ALOXE3: variants seen among roughly 807,000 people sequenced by gnomAD.
ALOXE3 encodes the protein hydroperoxide isomerase ALOXE3.
A neutral mutation model predicts 87.5 loss-of-function variants in ALOXE3; 78 were observed. The ratio of observed to expected loss-of-function variants is 0.89; its 90% confidence interval spans 0.74 to 1.08. ALOXE3 has a LOEUF of 1.08. Ranked by LOEUF, ALOXE3 falls within the 50% of genes least tolerant of loss-of-function variation. The pLI is 0.00. For synonymous variants in ALOXE3, 363 were observed against 370.8 expected, an observed-to-expected ratio of 0.98 and a Z score of 0.24; for missense variants, 946 against 912.4, an observed-to-expected ratio of 1.04 and a Z score of -0.47.
At chr17:8,111,715 G>A (rs1980107174) in intron 7 of ALOXE3, among the ~76,000 whole-genome samples, 184 bp from the exon 8 acceptor site, 2 of 152,212 alleles carry the variant, frequency 1.3e-5, no homozygotes, top group African/African-American at 4.8e-5. Flanking sequence ...GACTTGCACA[G>A]CTGAGTGGCA....
intron 1 of ALOXE3, 68 bp from the exon 2 acceptor site, chr17:8,118,371 C>T: frequency 1.3e-6 from 2 of 1,551,508 alleles, no homozygotes; most frequent in Non-Finnish European, 1.7e-6. Flanking sequence ...TGGGACACTG[C>T]CCTCCGCCTG....
chr17:8,100,512 A>G (rs1978856564), intron 15 of ALOXE3, among the ~76,000 whole-genome samples: 1 of 152,252 alleles, frequency 6.6e-6, no homozygotes, highest in African/African-American at 2.4e-5. Context: ...TTAAGAAAAA[A>G]GAAATATGTC....
Position 8,111,464 on chromosome 17 carries a change from G to A in ALOXE3, c.852C>T (p.Pro284=), listed in dbSNP as rs182023201. Residue 284 remains proline (P), a synonymous_variant, in exon 8 of 16, where the codon CCC becomes CCT. Transcript: ENST00000448843. The stretch of plus-strand genomic sequence containing the variant: ...AGCTAGAGATGCAGTGGAGCATGAC[G>A]GGATTGACACCATTCAGGTACTGGT... ...FGYQYLNGVN[P]VMLHCISSLP... The A allele has an allele frequency of 2.8e-5, 45 of 1,614,154 alleles. No individual in the cohort carries two copies. Among genetic ancestry groups the A allele is most frequent in the South Asian group, 8.8e-5 (8 of 91,086 alleles).
intron 2 of ALOXE3, 35 bp from the exon 3 acceptor site, chr17:8,117,015 G>A (rs779860964): frequency 3.1e-5 from 50 of 1,597,550 alleles, no homozygotes; most frequent in Non-Finnish European, 4.1e-5. Flanking sequence ...GGTGAGAGGC[G>A]GGGAACTGCC....
intron 2 of ALOXE3, 129 bp from the exon 3 acceptor site, chr17:8,117,109 G>A (rs771662014): frequency 8.0e-6 from 7 of 872,416 alleles, no homozygotes; most frequent in Admixed American, 2.3e-5. Context: ...AGCCCATACC[G>A]GGCTTTTGTA....
chr17:8,115,741 T>C lies in ALOXE3; in HGVS notation c.353-53A>G, dbSNP rs1050163353. 7 of 1,559,104 alleles carry C rather than the reference T, an allele frequency of 4.5e-6. No homozygotes were observed. The African/African-American group carries it at 9.5e-5, about 21-fold the overall frequency. ...ATAAGTCTCTTTTCCAACAACATCT[T>C]CTGCAAACCTTGCCTGAACCCCCTG... On this transcript the variant is annotated intron_variant, in intron 3 of 15. Transcript: ENST00000448843.
intron 5 of ALOXE3, 23 bp downstream of exon 5, chr17:8,114,915 C>T: frequency 1.9e-6 from 3 of 1,614,002 alleles, no homozygotes; most frequent in Non-Finnish European, 2.5e-6. Context: ...CCTTTCCCCT[C>T]CTTCCCAAGC....
chr17:8,116,809 C>T lies in ALOXE3; in HGVS notation c.319G>A (p.Gly107Ser), dbSNP rs1980628758. Residue 107 changes from glycine (G) to serine (S), a missense_variant, in exon 3 of 16, where the codon GGC becomes AGC. Physicochemically the swap from Gly to Ser is moderately conservative, Grantham distance 56. Transcript: ENST00000448843. ...SHFPCYQWIEGYCTVELRPGT... is the reference protein window; with the variant it reads ...SHFPCYQWIESYCTVELRPGT... Reference sequence around the variant, plus strand: ...GGCCTCAGCTCCACGGTGCAGTAGCCTTCAATCCACTGATAGCAGGGGAAG... The same window carrying T: ...GGCCTCAGCTCCACGGTGCAGTAGCTTTCAATCCACTGATAGCAGGGGAAG... The T allele has an allele frequency of 6.2e-7, 1 of 1,614,234 alleles. No individual in the cohort carries two copies. The highest frequency in any genetic ancestry group is 8.5e-7 in the Non-Finnish European group (1 of 1,180,038).
chr17:8,104,249 T>G, intron 13 of ALOXE3, 34 bp from the exon 14 acceptor site: 1 of 1,527,852 alleles, frequency 6.5e-7, no homozygotes. Flanking sequence ...AGGGTGTGGA[T>G]GGAAGGTACT....
intron 13 of ALOXE3, among the ~76,000 whole-genome samples, chr17:8,108,031 G>GAAAGAAAGAA (rs1979646346): frequency 1.2e-5 from 1 of 82,442 alleles, no homozygotes; most frequent in South Asian, 3.3e-4. Flanking sequence ...AAGAAAGAAA[G>GAAAGAAAGAA]AAAGAAAGAA....
At position 8,096,553 on chromosome 17, in the gene ALOXE3, G is replaced by A. The variant is rs1978550440; in HGVS notation, c.*74C>T. ...AACTGAGAACAGGGAGGATGGAAGG[G>A]TCTGGAGGACCTGAGGAACTGGTCC... On this transcript the variant is annotated 3_prime_UTR_variant, in exon 16 of 16. Coordinates refer to ENST00000448843, the MANE Select transcript of ALOXE3 (RefSeq NM_021628.3). 1.2e-6 allele frequency: 1 copy of A among 806,208 alleles called. No individual in the cohort carries two copies. The highest frequency in any genetic ancestry group is 1.7e-5 in the Admixed American group (1 of 58,936). The allele number at this position is 806,208 out of a possible 1,614,324, so 49.9% of individuals were successfully genotyped here. A position where few individuals can be genotyped will look rare whatever the true frequency, so the allele number is the denominator to read the frequency against.
At chr17:8,099,471 G>T (rs1274616143) in intron 15 of ALOXE3, among the ~76,000 whole-genome samples, 1 of 152,026 alleles carries the variant, frequency 6.6e-6, no homozygotes, top group African/African-American at 2.4e-5. Context: ...AGACCAGCCT[G>T]ACTAACATGG....
intron 3 of ALOXE3, among the ~76,000 whole-genome samples, chr17:8,116,135 C>T (rs1980566868): frequency 6.6e-6 from 1 of 152,160 alleles, no homozygotes; most frequent in South Asian, 2.1e-4. Flanking sequence ...TTATTACGGA[C>T]CATGGGGTAA....
At chr17:8,102,511 T>G (rs1207327484) in intron 15 of ALOXE3, among the ~76,000 whole-genome samples, 1 of 152,122 alleles carries the variant, frequency 6.6e-6, no homozygotes, top group African/African-American at 2.4e-5. Flanking sequence ...GGGGAAGCCT[T>G]GATTGGCTAC....
chr17:8,114,561 T>G lies in ALOXE3; in HGVS notation c.603A>C (p.Pro201=). Residue 201 remains proline, a synonymous_variant, in exon 6 of 16, where the codon CCA becomes CCC. Coordinates refer to ENST00000448843, the MANE Select transcript of ALOXE3 (RefSeq NM_021628.3). ...CATTGGGCTCCATGTACATCAGGGA[T>G]GGGATGTCAATTTTCATGGGGAAGC... ...LPGFPMKIDI[P]SLMYMEPNVR... is the part of the protein sequence containing the mutation. The G allele has an allele frequency of 6.2e-7, 1 of 1,613,598 alleles. No homozygotes were observed.
At chr17:8,103,285 T>C in intron 15 of ALOXE3, 38 bp downstream of exon 15, 1 of 1,611,548 alleles carries the variant, frequency 6.2e-7, no homozygotes, top group Non-Finnish European at 8.5e-7. Flanking sequence ...CTGGTGGCCC[T>C]AAAGAACCCT....
chr17:8,110,676 G>T, intron 8 of ALOXE3, 148 bp from the exon 9 acceptor site: 1 of 1,161,586 alleles, frequency 8.6e-7, no homozygotes, highest in Non-Finnish European at 1.2e-6. Flanking sequence ...TGGCCAAAGT[G>T]GGGTACCCCG....
rs780257169 is a variant in ALOXE3 at position 8,111,506 on chromosome 17, T to C, written c.810A>G (p.Glu270=). Residue 270 remains glutamate, a synonymous_variant, in exon 8 of 16, where the codon GAA becomes GAG. Transcript: ENST00000448843. The part of the protein sequence containing the change: ...TTKYVTEHWC[E]DHFFGYQYLN... ...GGTACTGGTACCCAAAGAAGTGATC[T>C]TCACACCAGTGCTCTGTGACATACT... The C allele has an allele frequency of 6.2e-7, 1 of 1,614,204 alleles. No homozygotes were observed. The highest frequency in any genetic ancestry group is 1.7e-5 in the Admixed American group (1 of 60,034).
intron 13 of ALOXE3, among the ~76,000 whole-genome samples, chr17:8,107,474 G>A (rs1214800222): frequency 6.6e-6 from 1 of 152,146 alleles, no homozygotes; most frequent in Non-Finnish European, 1.5e-5. Context: ...CCGAGATTGT[G>A]CCTCCACACT....
Sources: gnomAD v4.1 joint callset for allele counts (sites outside exome capture counted in the v4.1 genomes callset) on GRCh38, gnomAD v4.1.1 for gene constraint, MANE v1.5 for transcripts, NCBI Gene and HGNC (gene_info 2026-07-23, HGNC 2026-07-21) for gene names.